Variants in STX8 observed in about 807,000 individuals in gnomAD.
STX8 encodes the protein syntaxin-8.
Under a neutral mutation model 37.5 loss-of-function variants are expected in STX8, and 23 were observed. The ratio of observed to expected loss-of-function variants is 0.61; its 90% confidence interval spans 0.44 to 0.87. STX8 has a LOEUF of 0.87. Among genes scored for constraint, STX8 ranks in the 40% least tolerant of loss-of-function variants. STX8 has a pLI of 0.00. For synonymous variants in STX8, 115 were observed against 99.1 expected, an observed-to-expected ratio of 1.16 and a Z score of -0.95; for missense variants, 313 against 284.7, an observed-to-expected ratio of 1.10 and a Z score of -0.71.
At chr17:9,409,660 C>T (rs540054098) in intron 6 of STX8, among the ~76,000 whole-genome samples, 18 of 152,256 alleles carry the variant, frequency 1.2e-4, no homozygotes, top group South Asian at 8.3e-4. Flanking sequence ...AGGCCGCCTT[C>T]GCTCCAGATG....
Position 9,331,236 on chromosome 17 carries a change from C to A in STX8, c.643+47316G>T, listed in dbSNP as rs971488950. ...CATATGTACATATATCACATAAGGA[C>A]ACATCCTGTTACGCAACGATATTAA... is the stretch of plus-strand genomic sequence containing the variant. On this transcript the variant is annotated intron_variant, in intron 7 of 7. Transcript: ENST00000306357. Among the ~76,000 whole-genome samples, 6 of 152,176 alleles carry A rather than the reference C, an allele frequency of 3.9e-5. No homozygotes were observed. In the East Asian group the frequency reaches 1.2e-3, roughly 29 times the overall value.
Position 9,378,490 on chromosome 17 carries a change from T to G in STX8, c.643+62A>C, listed in dbSNP as rs373292836. 2.3e-5 allele frequency: 33 copies of G among 1,453,112 alleles called. No individual in the cohort carries two copies. The East Asian group carries it at 3.4e-4, about 15-fold the overall frequency. The allele number at this position is 1,453,112 out of a possible 1,614,324, so 90.0% of individuals were successfully genotyped here. Reference sequence around the variant, plus strand: ...CACAGTAATTAGACAAACAGGAAACTCAGAGCAGAGTAAATCCACAAGCTA... The same window carrying G: ...CACAGTAATTAGACAAACAGGAAACGCAGAGCAGAGTAAATCCACAAGCTA... On this transcript the variant is annotated intron_variant, in intron 7 of 7. Coordinates refer to ENST00000306357, the MANE Select transcript of STX8 (RefSeq NM_004853.3).
At chr17:9,559,760 A>ATATATATTTTTTT in intron 2 of STX8, among the ~76,000 whole-genome samples, 2,980 of 24,494 alleles carry the variant, frequency 0.12, 617 homozygotes, top group Middle Eastern at 0.21. Flanking sequence ...ATATATATAT[A>ATATATATTTTTTT]TTTTTTTTTT....
chr17:9,441,232 C>G (rs1261650590), intron 6 of STX8, among the ~76,000 whole-genome samples: 1 of 152,108 alleles, frequency 6.6e-6, no homozygotes, highest in Non-Finnish European at 1.5e-5. Context: ...TGGCTCACAC[C>G]TGTAATCCCA....
intron 6 of STX8, among the ~76,000 whole-genome samples, chr17:9,488,428 G>A (rs1395179250): frequency 7.2e-5 from 11 of 152,084 alleles, no homozygotes; most frequent in African/African-American, 2.2e-4. Flanking sequence ...AATGGCAAAC[G>A]AGCCATTAAG....
chr17:9,428,341 T>C (rs528209578), intron 6 of STX8, among the ~76,000 whole-genome samples: 93 of 152,202 alleles, frequency 6.1e-4, no homozygotes, highest in South Asian at 2.7e-3. Flanking sequence ...CCCGGGTTCA[T>C]GCCATTCTCC....
chr17:9,515,970 T>C (rs1010265024), intron 4 of STX8, among the ~76,000 whole-genome samples: 1 of 152,136 alleles, frequency 6.6e-6, no homozygotes, highest in Admixed American at 6.5e-5. Context: ...AAAATTCACA[T>C]TCAAAGCCTA....
intron 6 of STX8, among the ~76,000 whole-genome samples, chr17:9,438,487 AGGTTTGGGAAACAC>A (rs987814325): frequency 3.4e-4 from 52 of 152,140 alleles, no homozygotes; most frequent in South Asian, 4.1e-4. Context: ...TGGCACACTA[AGGTTTGGGAAACAC>A]GGCTTTAGAC....
chr17:9,484,781 C>T (rs376143747), intron 6 of STX8, among the ~76,000 whole-genome samples: 82 of 152,098 alleles, frequency 5.4e-4, no homozygotes, highest in African/African-American at 1.2e-3. Context: ...GAGGCGAGAT[C>T]GTGCCATTAC....
intron 7 of STX8, among the ~76,000 whole-genome samples, chr17:9,340,559 C>A (rs1910313134): frequency 1.3e-5 from 2 of 150,424 alleles, no homozygotes; most frequent in African/African-American, 4.9e-5. Context: ...TCCAGAAAAT[C>A]TACTCTTATG....
intron 2 of STX8, 22 bp from the exon 3 acceptor site, chr17:9,557,550 C>A: frequency 6.3e-6 from 10 of 1,598,990 alleles, no homozygotes; most frequent in Non-Finnish European, 8.6e-6. Context: ...AGAACACATC[C>A]TAAGTATTCT....
chr17:9,474,930 C>T (rs1906037311), intron 6 of STX8, among the ~76,000 whole-genome samples: 1 of 152,148 alleles, frequency 6.6e-6, no homozygotes. Context: ...TGATATCATG[C>T]CACTGCACTC....
chr17:9,344,109 G>A (rs1043367334), intron 7 of STX8, among the ~76,000 whole-genome samples: 3 of 152,076 alleles, frequency 2.0e-5, no homozygotes, highest in Admixed American at 6.5e-5. Context: ...TGCTGCCTAA[G>A]TACAGGATGC....
chr17:9,478,672 A>G (rs1422748549), intron 6 of STX8, among the ~76,000 whole-genome samples: 1 of 152,158 alleles, frequency 6.6e-6, no homozygotes, highest in Non-Finnish European at 1.5e-5. Context: ...GTCCTGTCTC[A>G]TGACCCCTCC....
intron 4 of STX8, among the ~76,000 whole-genome samples, chr17:9,533,219 C>G (rs8067541): frequency 0.51 from 77,268 of 152,102 alleles, 20,028 homozygotes; most frequent in South Asian, 0.67. Flanking sequence ...TGTAATGCCA[C>G]GGCTTTCGGT....
intron 4 of STX8, among the ~76,000 whole-genome samples, chr17:9,512,231 G>GA (rs1271485820): frequency 6.6e-6 from 1 of 152,066 alleles, no homozygotes; most frequent in Non-Finnish European, 1.5e-5. Context: ...CACAGCAATA[G>GA]AAAAAAATCT....
chr17:9,515,424 A>C (rs1905133730), intron 4 of STX8, among the ~76,000 whole-genome samples: 1 of 152,200 alleles, frequency 6.6e-6, no homozygotes, highest in East Asian at 1.9e-4. Flanking sequence ...TATACTAATT[A>C]GCATGCCAAA....
chr17:9,395,161 A>G (rs1912355422), intron 6 of STX8, among the ~76,000 whole-genome samples: 2 of 152,206 alleles, frequency 1.3e-5, no homozygotes, highest in South Asian at 4.1e-4. Context: ...AAATGTAAGT[A>G]TATATTCATT....
intron 6 of STX8, among the ~76,000 whole-genome samples, chr17:9,418,847 G>A (rs1187755989): frequency 7.0e-6 from 1 of 143,826 alleles, no homozygotes; most frequent in African/African-American, 2.5e-5. Context: ...AAAGGGGGGG[G>A]GGAAGGGGGA....
Sources: gnomAD v4.1 joint callset for allele counts (sites outside exome capture counted in the v4.1 genomes callset) on GRCh38, gnomAD v4.1.1 for gene constraint, MANE v1.5 for transcripts, NCBI Gene and HGNC (gene_info 2026-07-23, HGNC 2026-07-21) for gene names.